Variants in BRI3BP observed in about 807,000 individuals in gnomAD.
BRI3BP encodes the protein BRI3 binding protein, also known as BRI3-binding protein.
A neutral mutation model predicts 15.8 loss-of-function variants in BRI3BP; 7 were observed. That is an observed-to-expected ratio of 0.44 (90% CI 0.25 to 0.83). The LOEUF (loss-of-function observed/expected upper bound fraction) is 0.83. Ranked by LOEUF, BRI3BP falls within the 40% of genes least tolerant of loss-of-function variation. BRI3BP has a pLI of 0.20. For missense variants in BRI3BP, 320 were observed against 339.3 expected, an observed-to-expected ratio of 0.94 and a Z score of 0.45; for synonymous variants, 192 against 163.5, an observed-to-expected ratio of 1.17 and a Z score of -1.33.
In BRI3BP at chr12:125,025,834, T is replaced by C. The variant is rs1955349795; in HGVS notation, c.*404T>C. On this transcript the variant is annotated 3_prime_UTR_variant, in exon 3 of 3. Coordinates refer to ENST00000341446, the MANE Select transcript of BRI3BP (RefSeq NM_080626.6). ...AAACTTTACATGGAGGGGAAGAATA[T>C]GCTAATTTGACATTTGAGAAAAGTT... 6.1e-6 allele frequency: 1 copy of C among 162,876 alleles called. No homozygotes were observed. Among genetic ancestry groups the C allele is most frequent in the African/African-American group, 2.4e-5 (1 of 41,938 alleles). The allele number at this position is 162,876 out of a possible 1,614,324, so 10.1% of individuals were successfully genotyped here.
In BRI3BP at chr12:125,029,926, A is replaced by AT. The variant is rs1955394136; in HGVS notation, c.*4498dup. The AT allele has an allele frequency of 6.6e-6, 1 of 152,238 alleles. No individual in the cohort carries two copies. The highest frequency in any genetic ancestry group is 1.5e-5 in the Non-Finnish European group (1 of 68,054). 9.4% of individuals were successfully genotyped at this position (152,238 alleles called of 1,614,324 possible). On this transcript the variant is annotated 3_prime_UTR_variant, in exon 3 of 3. Transcript: ENST00000341446. ...AAGAACGCAAAGGTTTGGGTCAGTG[A>AT]TTAGGAAGACTATAATATGACTTTG... is the stretch of plus-strand genomic sequence containing the variant.
chr12:125,045,350 T>C, the BRI3BP span, among the ~76,000 whole-genome samples: 8 of 152,212 alleles, frequency 5.3e-5, no homozygotes, highest in Non-Finnish European at 1.2e-4. Context: ...TTTTCTTCTT[T>C]TTTTTTGGAC....
At chr12:125,010,329 T>G (rs1955186483) in intron 1 of BRI3BP, among the ~76,000 whole-genome samples, 1 of 152,106 alleles carries the variant, frequency 6.6e-6, no homozygotes. Flanking sequence ...AGAGCTGGGA[T>G]TTGAACCCAT....
intron 2 of BRI3BP, among the ~76,000 whole-genome samples, chr12:125,013,092 TAA>T (rs1489782167): frequency 6.6e-6 from 1 of 151,796 alleles, no homozygotes; most frequent in South Asian, 2.1e-4. Flanking sequence ...CAAATAATCA[TAA>T]AAATAAAAAA....
intron 2 of BRI3BP, among the ~76,000 whole-genome samples, chr12:125,023,581 T>C (rs1225770785): frequency 6.6e-6 from 1 of 152,160 alleles, no homozygotes; most frequent in East Asian, 1.9e-4. Context: ...AAAGTCTTAC[T>C]CTGTCACACA....
chr12:125,016,125 T>C (rs2135995610), intron 2 of BRI3BP, among the ~76,000 whole-genome samples: 1 of 152,290 alleles, frequency 6.6e-6, no homozygotes, highest in East Asian at 1.9e-4. Context: ...CCTGCATTCA[T>C]CAGGGGAGCA....
chr12:125,019,652 TTTTTTGCC>T (rs1335759399), intron 2 of BRI3BP, among the ~76,000 whole-genome samples: 2,309 of 33,016 alleles, frequency 0.07, 266 homozygotes, highest in African/African-American at 0.13. Flanking sequence ...TTTTTTTTTT[TTTTTTGCC>T]TTTTTTGCTG....
At chr12:125,043,253 G>A in the BRI3BP span, among the ~76,000 whole-genome samples, 1 of 152,080 alleles carries the variant, frequency 6.6e-6, no homozygotes, top group African/African-American at 2.4e-5. Flanking sequence ...CAGGAAGATC[G>A]TGTGTGTTCT....
chr12:125,047,704 T>C, the BRI3BP span, among the ~76,000 whole-genome samples: 1 of 152,050 alleles, frequency 6.6e-6, no homozygotes, highest in Non-Finnish European at 1.5e-5. Flanking sequence ...TTTTTATTTA[T>C]TTATTTTTTT....
At chr12:124,997,169 C>T (rs1435500263) in intron 1 of BRI3BP, among the ~76,000 whole-genome samples, 1 of 139,770 alleles carries the variant, frequency 7.2e-6, no homozygotes, top group East Asian at 2.1e-4. Context: ...GCTCTGTGAC[C>T]CTGAGCCAGT....
the BRI3BP span, among the ~76,000 whole-genome samples, chr12:125,045,406 C>T: frequency 2.6e-5 from 4 of 152,130 alleles, no homozygotes; most frequent in Non-Finnish European, 5.9e-5. Context: ...AGCGCGATCC[C>T]GGCTCACTGC....
chr12:124,995,877 C>T lies in BRI3BP; in HGVS notation c.213+1874C>T, dbSNP rs536585403. On this transcript the variant is annotated intron_variant, in intron 1 of 2. Transcript: ENST00000341446. ...GCTTCATGACCCCTTCCCTGTTCCC[C>T]GAGTCAGTACAGCATCCAGAGGCTG... Among the ~76,000 whole-genome samples the T allele has an allele frequency of 5.3e-5, 8 of 152,242 alleles. No homozygotes were observed. The South Asian group carries it at 1.0e-3, about 20-fold the overall frequency.
At chr12:125,021,429 G>A (rs1373178881) in intron 2 of BRI3BP, among the ~76,000 whole-genome samples, 2 of 152,260 alleles carry the variant, frequency 1.3e-5, no homozygotes, top group Middle Eastern at 3.4e-3. Flanking sequence ...TTGGCTGGGC[G>A]TGGTGCCTCA....
intron 1 of BRI3BP, among the ~76,000 whole-genome samples, chr12:125,001,474 C>T (rs1393429968): frequency 6.6e-6 from 1 of 152,218 alleles, no homozygotes; most frequent in Non-Finnish European, 1.5e-5. Context: ...ATCCTCCCAC[C>T]TTAACCTCCT....
At chr12:125,037,120 C>T in the BRI3BP span, among the ~76,000 whole-genome samples, 1 of 152,344 alleles carries the variant, frequency 6.6e-6, no homozygotes, top group African/African-American at 2.4e-5. Context: ...AGTGCAATGG[C>T]ACAATCTTTG....
intron 2 of BRI3BP, among the ~76,000 whole-genome samples, chr12:125,019,460 A>T (rs2135997519): frequency 6.6e-6 from 1 of 151,554 alleles, no homozygotes; most frequent in Admixed American, 6.6e-5. Context: ...GGTCCCTGAG[A>T]CCCTTTTGGT....
the BRI3BP span, among the ~76,000 whole-genome samples, chr12:125,040,349 GT>G: frequency 6.7e-6 from 1 of 149,396 alleles, no homozygotes; most frequent in Non-Finnish European, 1.5e-5. Context: ...CTTTTTGTTT[GT>G]TTTTTTGTTT....
chr12:125,035,395 T>G (rs1434575054), downstream of BRI3BP, among the ~76,000 whole-genome samples: 1 of 12,956 alleles, frequency 7.7e-5, no homozygotes, highest in African/African-American at 1.2e-4. Context: ...AGGTATTGTC[T>G]TTTTTTTTTT....
At chr12:125,005,527 G>T (rs1955134258) in intron 1 of BRI3BP, among the ~76,000 whole-genome samples, 1 of 152,116 alleles carries the variant, frequency 6.6e-6, no homozygotes, top group Admixed American at 6.6e-5. Flanking sequence ...CCAGCACTTT[G>T]GGAGGCCGAG....
Sources: allele counts gnomAD v4.1 joint callset (sites outside exome capture counted in the v4.1 genomes callset), GRCh38; gene constraint gnomAD v4.1.1; transcripts MANE v1.5; gene names NCBI Gene and HGNC (gene_info 2026-07-23, HGNC 2026-07-21).